The following IFT56 variants were observed in gnomAD, a reference collection of about 807,000 sequenced individuals.
IFT56 encodes intraflagellar transport protein 56.
At chr7:139,142,908 C>T in the IFT56 span, among the ~76,000 whole-genome samples, 1 of 152,070 alleles carries the variant, frequency 6.6e-6, no homozygotes, top group African/African-American at 2.4e-5. Flanking sequence ...CTTGTCCTGA[C>T]TCCTAGAAAT....
chr7:139,173,284 G>A, the IFT56 span: 1 of 454,792 alleles, frequency 2.2e-6, no homozygotes, highest in Non-Finnish European at 3.9e-6. Context: ...CTGGAGTGCA[G>A]TGGTGTGATC....
At chr7:139,134,871 T>C in the IFT56 span, 1 of 1,478,106 alleles carries the variant, frequency 6.8e-7, no homozygotes, top group South Asian at 1.3e-5. Flanking sequence ...CTGTTTGCTA[T>C]GCTCTTGAAA....
chr7:139,149,331 A>G, the IFT56 span, among the ~76,000 whole-genome samples: 1 of 150,722 alleles, frequency 6.6e-6, no homozygotes. Flanking sequence ...GAACCCTGGC[A>G]TATCTGTTGA....
the IFT56 span, among the ~76,000 whole-genome samples, chr7:139,180,911 T>C: frequency 1.3e-5 from 2 of 152,186 alleles, no homozygotes; most frequent in East Asian, 3.8e-4. Flanking sequence ...TTAAATATTT[T>C]AAGTATGGTA....
chr7:139,189,758 C>G, the IFT56 span: 1 of 166,824 alleles, frequency 6.0e-6, no homozygotes, highest in African/African-American at 2.4e-5. Flanking sequence ...CATTTTATGG[C>G]ATTGTCTCCT....
chr7:139,182,144 G>A, the IFT56 span, among the ~76,000 whole-genome samples: 1 of 152,048 alleles, frequency 6.6e-6, no homozygotes, highest in East Asian at 1.9e-4. Context: ...TAGTAGTTTG[G>A]GGACCTAGCC....
chr7:139,168,256 T>C, the IFT56 span: 1 of 772,148 alleles, frequency 1.3e-6, no homozygotes, highest in Admixed American at 2.7e-5. Flanking sequence ...ATACTTTATA[T>C]AAAGTATTGA....
the IFT56 span, among the ~76,000 whole-genome samples, chr7:139,163,416 C>T: frequency 1.3e-5 from 2 of 151,490 alleles, no homozygotes; most frequent in Non-Finnish European, 2.9e-5. Context: ...CGTGTCAAAA[C>T]TGCAGACACA....
the IFT56 span, among the ~76,000 whole-genome samples, chr7:139,140,958 T>TTTTTTATTTTTTTTTTA: frequency 6.6e-6 from 1 of 150,804 alleles, no homozygotes; most frequent in African/African-American, 2.4e-5. Context: ...AGACTTTTTT[T>TTTTTTATTTTTTTTTTA]TTTTTTTAAA....
At chr7:139,181,447 T>C in the IFT56 span, among the ~76,000 whole-genome samples, 2 of 152,222 alleles carry the variant, frequency 1.3e-5, no homozygotes, top group East Asian at 3.8e-4. Flanking sequence ...ATATGAATCT[T>C]TAGTCAGCGT....
chr7:139,180,200 G>A, the IFT56 span, among the ~76,000 whole-genome samples: 2 of 152,148 alleles, frequency 1.3e-5, no homozygotes, highest in African/African-American at 2.4e-5. Context: ...AGCCGGGCGC[G>A]GTGGTGGGCG....
the IFT56 span, among the ~76,000 whole-genome samples, chr7:139,162,732 G>GGGT: frequency 1.3e-5 from 2 of 151,974 alleles, no homozygotes; most frequent in Non-Finnish European, 2.9e-5. Flanking sequence ...AGGCCAAGGC[G>GGGT]GGTGGATCAC....
chr7:139,179,971 C>T, the IFT56 span, among the ~76,000 whole-genome samples: 3 of 152,302 alleles, frequency 2.0e-5, no homozygotes, highest in African/African-American at 7.2e-5. Flanking sequence ...TGCTGTTACA[C>T]TAATTTTAAC....
chr7:139,173,306 C>A, the IFT56 span: 3 of 450,718 alleles, frequency 6.7e-6, no homozygotes, highest in South Asian at 3.1e-5. Flanking sequence ...CGGCTCACTG[C>A]AACCTCTGCC....
the IFT56 span, chr7:139,165,051 T>C: frequency 1.1e-5 from 12 of 1,100,030 alleles, no homozygotes; most frequent in Non-Finnish European, 1.6e-5. Context: ...AACCCAGTTA[T>C]ATATGCCAGC....
the IFT56 span, chr7:139,134,681 A>T: frequency 6.8e-6 from 11 of 1,613,638 alleles, no homozygotes; most frequent in Non-Finnish European, 9.3e-6. Context: ...AACCTGCTGT[A>T]GGCAGAGGCG....
the IFT56 span, among the ~76,000 whole-genome samples, chr7:139,185,776 T>TAAGATG: frequency 6.6e-6 from 1 of 152,032 alleles, no homozygotes; most frequent in East Asian, 1.9e-4. Context: ...TACATGGATG[T>TAAGATG]TTCATTTACC....
chr7:139,181,209 C>T, the IFT56 span: 1 of 1,577,398 alleles, frequency 6.3e-7, no homozygotes, highest in Non-Finnish European at 8.7e-7. Context: ...GTGAGTCTGA[C>T]TGAGACTAAA....
chr7:139,159,222 A>T, the IFT56 span, among the ~76,000 whole-genome samples: 1,182 of 152,288 alleles, frequency 7.8e-3, 27 homozygotes, highest in East Asian at 0.074. Context: ...TGACAAAACT[A>T]TCTAGGTTTG....
Sources: gnomAD v4.1 joint callset for allele counts (sites outside exome capture counted in the v4.1 genomes callset) on GRCh38, gnomAD v4.1.1 for gene constraint, MANE v1.5 for transcripts, NCBI Gene and HGNC (gene_info 2026-07-23, HGNC 2026-07-21) for gene names.